The following KCNIP4 variants were observed in gnomAD, a reference collection of about 807,000 sequenced individuals.
The protein encoded by KCNIP4 is Kv channel-interacting protein 4.
KCNIP4 carries 12 observed loss-of-function variants against 34.0 expected under a neutral mutation model. The observed-to-expected ratio is 0.35, with a 90% CI of 0.23 to 0.57. KCNIP4 has a LOEUF of 0.57. KCNIP4 is among the 20% of genes least tolerant of loss of function. The probability of loss-of-function intolerance (pLI) is 0.83; values close to 1 mark genes in which losing one functional copy is unlikely to be tolerated. For synonymous variants in KCNIP4, 124 were observed against 102.2 expected (o/e 1.21, Z -1.29); for missense variants, 238 against 311.7 (o/e 0.76, Z 1.78).
chr4:21,424,128 T>C (rs1164137170), intron 1 of KCNIP4, among the ~76,000 whole-genome samples: 4 of 151,822 alleles, frequency 2.6e-5, no homozygotes, highest in Non-Finnish European at 4.4e-5. Flanking sequence ...CGAGAATTTT[T>C]AAAAATGTAG....
At chr4:20,855,636 A>G (rs1334047981) in intron 2 of KCNIP4, among the ~76,000 whole-genome samples, 2 of 151,580 alleles carry the variant, frequency 1.3e-5, no homozygotes, top group Non-Finnish European at 1.5e-5. Flanking sequence ...TAATCTTAGC[A>G]TATCTTAATT....
At chr4:21,814,484 C>T (rs976529224) in intron 1 of KCNIP4, among the ~76,000 whole-genome samples, 2 of 152,138 alleles carry the variant, frequency 1.3e-5, no homozygotes, top group Non-Finnish European at 2.9e-5. Flanking sequence ...CCTGTCGCCA[C>T]GTAAGACGTC....
intron 1 of KCNIP4, among the ~76,000 whole-genome samples, chr4:21,249,052 A>G (rs1371813932): frequency 6.6e-6 from 1 of 152,156 alleles, no homozygotes; most frequent in African/African-American, 2.4e-5. Context: ...TTTCAGTTTA[A>G]ACTAGAAATT....
chr4:21,333,371 T>C (rs915871976), intron 1 of KCNIP4, among the ~76,000 whole-genome samples: 2 of 151,680 alleles, frequency 1.3e-5, no homozygotes, highest in Admixed American at 1.3e-4. Context: ...TAAAATAAAA[T>C]AACCTAAAAT....
intron 1 of KCNIP4, among the ~76,000 whole-genome samples, chr4:21,298,291 T>C (rs533899493): frequency 4.6e-5 from 7 of 152,280 alleles, no homozygotes; most frequent in Admixed American, 4.6e-4. Flanking sequence ...TTTCTGTTGA[T>C]GACCATCTTC....
intron 3 of KCNIP4, among the ~76,000 whole-genome samples, chr4:20,799,101 T>G (rs1560472947): frequency 6.6e-6 from 1 of 152,172 alleles, no homozygotes; most frequent in Non-Finnish European, 1.5e-5. Context: ...GTGCCATACC[T>G]GAGCCAAGCT....
chr4:21,580,229 C>CT (rs1160325477), intron 1 of KCNIP4, among the ~76,000 whole-genome samples: 3 of 152,008 alleles, frequency 2.0e-5, no homozygotes, highest in Non-Finnish European at 1.5e-5. Context: ...GCCAGAGACT[C>CT]TTTTAGGCCT....
intron 1 of KCNIP4, among the ~76,000 whole-genome samples, chr4:21,581,511 T>C (rs746639738): frequency 7.9e-5 from 12 of 152,018 alleles, no homozygotes; most frequent in Non-Finnish European, 1.5e-4. Context: ...ACTTTGCCAG[T>C]CTCAAGTCTC....
At chr4:21,266,076 G>C (rs1015528821) in intron 1 of KCNIP4, among the ~76,000 whole-genome samples, 15 of 152,094 alleles carry the variant, frequency 9.9e-5, no homozygotes, top group Non-Finnish European at 1.9e-4. Context: ...GAAAAATGGG[G>C]GTTTAAAGAG....
At chr4:21,474,227 G>A (rs185607661) in intron 1 of KCNIP4, among the ~76,000 whole-genome samples, 8 of 152,018 alleles carry the variant, frequency 5.3e-5, no homozygotes, top group African/African-American at 1.9e-4. Flanking sequence ...TTAAGAGCAG[G>A]CAAGACGAAA....
chr4:21,100,788 ATAGTT>A (rs1388693093), intron 1 of KCNIP4, among the ~76,000 whole-genome samples: 1 of 152,168 alleles, frequency 6.6e-6, no homozygotes, highest in African/African-American at 2.4e-5. Flanking sequence ...AGGCAACAAT[ATAGTT>A]TAAACACAAC....
intron 1 of KCNIP4, among the ~76,000 whole-genome samples, chr4:21,581,703 T>C (rs1263329236): frequency 2.6e-5 from 4 of 152,006 alleles, no homozygotes; most frequent in African/African-American, 9.7e-5. Context: ...ACTAGCATTA[T>C]TATTTATATT....
At chr4:21,289,767 T>C (rs1763326653) in intron 1 of KCNIP4, among the ~76,000 whole-genome samples, 1 of 152,158 alleles carries the variant, frequency 6.6e-6, no homozygotes. Context: ...ACATGAATGG[T>C]GCCTAGGCAG....
intron 1 of KCNIP4, among the ~76,000 whole-genome samples, chr4:21,750,129 G>T (rs1369807693): frequency 6.6e-6 from 1 of 152,008 alleles, no homozygotes; most frequent in Admixed American, 6.6e-5. Flanking sequence ...TTTTGTCCTG[G>T]GTTTCCACAT....
intron 1 of KCNIP4, among the ~76,000 whole-genome samples, chr4:21,290,400 C>A (rs986657320): frequency 6.6e-6 from 1 of 151,976 alleles, no homozygotes; most frequent in Non-Finnish European, 1.5e-5. Context: ...TTAAAATTAA[C>A]CTCCAAAAAA....
At chr4:21,323,022 C>A (rs1346756226) in intron 1 of KCNIP4, among the ~76,000 whole-genome samples, 4 of 151,772 alleles carry the variant, frequency 2.6e-5, no homozygotes, top group Admixed American at 6.6e-5. Flanking sequence ...TAACTGAAAT[C>A]TAAAAAGAAT....
At chr4:21,221,383 G>A (rs1271682934) in intron 1 of KCNIP4, among the ~76,000 whole-genome samples, 2 of 152,112 alleles carry the variant, frequency 1.3e-5, no homozygotes, top group South Asian at 2.1e-4. Flanking sequence ...AGGTTTAATC[G>A]ATTCACAGTT....
chr4:21,416,813 T>G (rs1327754549), intron 1 of KCNIP4, among the ~76,000 whole-genome samples: 1 of 152,168 alleles, frequency 6.6e-6, no homozygotes, highest in African/African-American at 2.4e-5. Context: ...GTCAGTCATA[T>G]TTGAAAAGAA....
At chr4:21,771,784 T>C (rs1718811243) in intron 1 of KCNIP4, among the ~76,000 whole-genome samples, 1 of 152,218 alleles carries the variant, frequency 6.6e-6, no homozygotes, top group South Asian at 2.1e-4. Context: ...TTTTGTATCC[T>C]GAAACTTTGC....
Sources: allele counts gnomAD v4.1 joint callset (sites outside exome capture counted in the v4.1 genomes callset), GRCh38; gene constraint gnomAD v4.1.1; transcripts MANE v1.5; gene names NCBI Gene and HGNC (gene_info 2026-07-23, HGNC 2026-07-21).